GGTA1: variants seen among roughly 807,000 people sequenced by gnomAD.
GGTA1 encodes the protein glycoprotein alpha-galactosyltransferase 1 (inactive), also known as inactive N-acetyllactosaminide alpha-1,3-galactosyltransferase.
In GGTA1, 5 loss-of-function variants were observed where a neutral mutation model predicts 2.6. That is an observed-to-expected ratio of 1.92 (90% CI 1.00 to 4.04). GGTA1 has a LOEUF of 4.04. Among genes scored for constraint, GGTA1 ranks in the 30% most tolerant of loss-of-function variants. The pLI is 0.00. For missense variants in GGTA1, 50 were observed against 16.7 expected (o/e 2.99, Z -3.47); for synonymous variants, 17 against 5.0 (o/e 3.38, Z -3.19).
chr9:121,462,446 T>C (rs2064969151), intron 3 of GGTA1, among the ~76,000 whole-genome samples: 1 of 151,926 alleles, frequency 6.6e-6, no homozygotes, highest in Admixed American at 6.6e-5. Context: ...TGAACAGGCA[T>C]AATATTATGA....
chr9:121,477,483 A>C (rs762286043), intron 1 of GGTA1, among the ~76,000 whole-genome samples: 11 of 151,846 alleles, frequency 7.2e-5, no homozygotes, highest in Non-Finnish European at 1.3e-4. Flanking sequence ...TTATATTTGG[A>C]ATGTTTGTCA....
intron 1 of GGTA1, among the ~76,000 whole-genome samples, chr9:121,497,695 A>G (rs1297986804): frequency 6.6e-6 from 1 of 152,288 alleles, no homozygotes; most frequent in South Asian, 2.1e-4. Flanking sequence ...ACAGGCAGGT[A>G]CCTAGTCTAC....
intron 7 of GGTA1, among the ~76,000 whole-genome samples, chr9:121,449,501 T>A (rs976437349): frequency 6.6e-6 from 1 of 152,148 alleles, no homozygotes; most frequent in Admixed American, 6.5e-5. Flanking sequence ...TAGTAGGTAT[T>A]TAGTGGTATT....
chr9:121,447,451 A>G (rs772710543), exon 8 of GGTA1: 1 of 152,544 alleles, frequency 6.6e-6, no homozygotes, highest in Non-Finnish European at 1.5e-5. Flanking sequence ...CTTGACCTCA[A>G]ACATTTTGAA....
In GGTA1 at chr9:121,483,116, A is replaced by G. The variant is rs543127782; in HGVS notation, c.-9-15185T>C. On this transcript the variant is annotated intron_variant, in intron 1 of 5. Coordinates refer to ENST00000481799, the MANE Select transcript of GGTA1 (RefSeq NM_001382585.1). ...CCCGGTCTCATGTGCCTCCCACTTT[A>G]CAGTTTACAGAGCAGCCTCTCTCTT... Among the ~76,000 whole-genome samples the G allele has an allele frequency of 3.9e-5, 6 of 152,332 alleles. No individual in the cohort carries two copies. In the East Asian group the frequency reaches 1.2e-3, roughly 29 times the overall value.
At chr9:121,492,704 C>T (rs893375907) in intron 1 of GGTA1, among the ~76,000 whole-genome samples, 27 of 151,830 alleles carry the variant, frequency 1.8e-4, no homozygotes, top group African/African-American at 5.6e-4. Context: ...GAACTCCCTA[C>T]CTCAGGTGAT....
At chr9:121,477,522 C>A (rs1334033195) in intron 1 of GGTA1, among the ~76,000 whole-genome samples, 1 of 149,588 alleles carries the variant, frequency 6.7e-6, no homozygotes. Flanking sequence ...GATATCACTT[C>A]TCATATTCCA....
intron 7 of GGTA1, among the ~76,000 whole-genome samples, chr9:121,447,795 C>T (rs1209309212): frequency 6.6e-6 from 1 of 152,040 alleles, no homozygotes; most frequent in African/African-American, 2.4e-5. Flanking sequence ...GGTGTGTTTT[C>T]ATGTTAGTGT....
intron 1 of GGTA1, among the ~76,000 whole-genome samples, chr9:121,488,320 A>C (rs1024569245): frequency 6.6e-6 from 1 of 152,116 alleles, no homozygotes; most frequent in African/African-American, 2.4e-5. Flanking sequence ...CTCTTCATTT[A>C]ATCAATTCAT....
downstream of GGTA1, among the ~76,000 whole-genome samples, chr9:121,451,244 G>A (rs923559317): frequency 6.6e-6 from 1 of 151,868 alleles, no homozygotes; most frequent in East Asian, 1.9e-4. Flanking sequence ...GTCACCCAGG[G>A]GCGTGATCTC....
chr9:121,492,454 GTATTTTATTT>G (rs1006228834), intron 1 of GGTA1, among the ~76,000 whole-genome samples: 3 of 152,018 alleles, frequency 2.0e-5, no homozygotes, highest in South Asian at 2.1e-4. Flanking sequence ...CCGAGTTCAG[GTATTTTATTT>G]TATTTTATTT....
intron 1 of GGTA1, among the ~76,000 whole-genome samples, chr9:121,498,894 GTT>G (rs142008912): frequency 1.0e-4 from 15 of 142,884 alleles, no homozygotes; most frequent in Non-Finnish European, 1.4e-4. Context: ...TCTTTTTACT[GTT>G]TTTTTTTTTT....
At chr9:121,464,976 T>C (rs1041714198) in intron 2 of GGTA1, among the ~76,000 whole-genome samples, 2 of 142,822 alleles carry the variant, frequency 1.4e-5, no homozygotes, top group Admixed American at 1.5e-4. Flanking sequence ...ATGTGGCCAA[T>C]TCGTAAAGTG....
At chr9:121,449,708 C>T (rs1216005230) in intron 7 of GGTA1, among the ~76,000 whole-genome samples, 1 of 151,878 alleles carries the variant, frequency 6.6e-6, no homozygotes, top group East Asian at 1.9e-4. Context: ...GGTGTGGTGG[C>T]TTACACTTGT....
chr9:121,496,047 T>C (rs1828986017), intron 1 of GGTA1, among the ~76,000 whole-genome samples: 1 of 152,220 alleles, frequency 6.6e-6, no homozygotes, highest in Non-Finnish European at 1.5e-5. Context: ...AGTTGACCCA[T>C]AGAGACTAAC....
intron 1 of GGTA1, among the ~76,000 whole-genome samples, chr9:121,475,154 G>A (rs767862860): frequency 6.6e-6 from 1 of 152,280 alleles, no homozygotes; most frequent in Non-Finnish European, 1.5e-5. Context: ...AAAACAGTTT[G>A]CGGTAAAGAA....
intron 2 of GGTA1, among the ~76,000 whole-genome samples, chr9:121,464,842 C>T (rs1306372784): frequency 6.6e-6 from 1 of 152,194 alleles, no homozygotes; most frequent in Non-Finnish European, 1.5e-5. Context: ...TTTCAATACG[C>T]TTTACTGACA....
chr9:121,455,782 CT>C lies in GGTA1; in HGVS notation c.*54del. On this transcript the variant is annotated 3_prime_UTR_variant, in exon 6 of 6. Coordinates refer to ENST00000481799, the MANE Select transcript of GGTA1 (RefSeq NM_001382585.1). ...AACCGCATGATCTCTCAGTCCAGGT[CT>C]TCTAGAAGGACTGAGTCAGAAAACC... 1 of 453,076 alleles carries C rather than the reference CT, an allele frequency of 2.2e-6. No homozygotes were observed. Among genetic ancestry groups the C allele is most frequent in the Non-Finnish European group, 4.4e-6 (1 of 225,844 alleles). 28.1% of individuals were successfully genotyped at this position (453,076 alleles called of 1,614,324 possible).
chr9:121,481,088 G>A (rs1454952012), intron 1 of GGTA1, among the ~76,000 whole-genome samples: 2 of 149,810 alleles, frequency 1.3e-5, no homozygotes, highest in Non-Finnish European at 3.0e-5. Context: ...AGGAGGCGGA[G>A]CTTGCAGTGA....
Sources: gnomAD v4.1 joint callset for allele counts (sites outside exome capture counted in the v4.1 genomes callset) on GRCh38, gnomAD v4.1.1 for gene constraint, MANE v1.5 for transcripts, NCBI Gene and HGNC (gene_info 2026-07-23, HGNC 2026-07-21) for gene names.